Variants in AGBL2 observed in about 807,000 individuals in gnomAD.
AGBL2 encodes cytosolic carboxypeptidase 2.
Under a neutral mutation model 103.0 loss-of-function variants are expected in AGBL2, and 87 were observed. The observed-to-expected ratio is 0.84, with a 90% CI of 0.71 to 1.01. The LOEUF (loss-of-function observed/expected upper bound fraction) is 1.01. AGBL2 is among the 50% of genes least tolerant of loss of function. The pLI, the probability that AGBL2 is intolerant of heterozygous loss-of-function variation, is 0.00. For missense variants in AGBL2, 904 were observed against 1,023.5 expected, an observed-to-expected ratio of 0.88 and a Z score of 1.59; for synonymous variants, 335 against 356.7, an observed-to-expected ratio of 0.94 and a Z score of 0.69.
In AGBL2 at chr11:47,714,621, C is replaced by T. The variant is rs1189284309; in HGVS notation, c.30G>A (p.Lys10=). 1 of 1,613,736 alleles carries T rather than the reference C, an allele frequency of 6.2e-7. No individual in the cohort carries two copies. The highest frequency in any genetic ancestry group is 8.5e-7 in the Non-Finnish European group (1 of 1,179,978). Residue 10 remains lysine, a synonymous_variant, in exon 2 of 19, where the codon AAG becomes AAA. Transcript: ENST00000525123. ...GCTTTCCGTGTTGTGTACCGACCTGCTTTAGGTGCGTTTCCAAAGCTGGGA... is the reference window on the plus strand; with the variant it reads ...GCTTTCCGTGTTGTGTACCGACCTGTTTTAGGTGCGTTTCCAAAGCTGGGA... MFPALETHL[K]QTIPDPYEDF...
At chr11:47,675,944 T>C (rs2097373283) in intron 14 of AGBL2, among the ~76,000 whole-genome samples, 1 of 151,854 alleles carries the variant, frequency 6.6e-6, no homozygotes, top group African/African-American at 2.4e-5. Context: ...AAGTTGAGGA[T>C]GCAGTGAGCA....
chr11:47,691,818 A>G (rs914849827), intron 9 of AGBL2, among the ~76,000 whole-genome samples: 13 of 143,522 alleles, frequency 9.1e-5, no homozygotes, highest in Non-Finnish European at 1.7e-4. Context: ...TAAACTTAAT[A>G]TTTGCTGCAT....
Position 47,699,531 on chromosome 11 carries a change from T to C in AGBL2, c.609A>G (p.Glu203=). 6.2e-7 allele frequency: 1 copy of C among 1,608,264 alleles called. No individual in the cohort carries two copies. The highest frequency in any genetic ancestry group is 1.7e-5 in the Admixed American group (1 of 58,938). ...HHIEWAPPQP[E]YFYQPKGNEK... is the part of the protein sequence containing the mutation. The stretch of plus-strand genomic sequence containing the variant: ...CATTTCCTTTAGGCTGATAGAAATA[T>C]TCTGGTTGAGGTGGAGCCCACTCTG... The change falls in exon 8 of 19, where the codon GAA becomes GAG. Residue 203 remains glutamate, a synonymous_variant. Coordinates refer to ENST00000525123, the MANE Select transcript of AGBL2 (RefSeq NM_024783.4).
rs188759721 is a variant in AGBL2, at chr11:47,706,580, A to C, written c.233-663T>G. On this transcript the variant is annotated intron_variant, in intron 4 of 18. Coordinates refer to ENST00000525123, the MANE Select transcript of AGBL2 (RefSeq NM_024783.4). Reference sequence around the variant, plus strand: ...AATATGACAGGTGCCCTTATAAAGAATGGGGTAAAGGCAGGAGAGGTGGCG... The same window carrying C: ...AATATGACAGGTGCCCTTATAAAGACTGGGGTAAAGGCAGGAGAGGTGGCG... Among the ~76,000 whole-genome samples, 628 of 152,234 alleles carry C rather than the reference A, an allele frequency of 4.1e-3. 1 individual carries two copies. The highest frequency in any genetic ancestry group is 7.2e-3 in the Non-Finnish European group (488 of 68,016).
rs763399133 is a variant in AGBL2, at chr11:47,690,584, A to C, written c.1123T>G (p.Tyr375Asp). 1 of 1,614,210 alleles carries C rather than the reference A, an allele frequency of 6.2e-7. No homozygotes were observed. Among genetic ancestry groups the C allele is most frequent in the Non-Finnish European group, 8.5e-7 (1 of 1,180,044 alleles). ...AACTGAATGGTCCACGTGAGACAGT[A>C]GAAGGGCTGCTGCCCATCATCCGTG... is the stretch of plus-strand genomic sequence containing the variant. ...NNTDDGQQPF[Y>D]CLTWTIQFPY... Residue 375 changes from tyrosine to aspartate, a missense_variant, in exon 10 of 19, where the codon TAC (tyrosine) becomes GAC (aspartate). Tyr to Asp is a radical substitution (Grantham distance 160, BLOSUM62 -3). Coordinates refer to ENST00000525123, the MANE Select transcript of AGBL2 (RefSeq NM_024783.4).
chr11:47,667,744 G>C (rs369826804), intron 15 of AGBL2, 48 bp from the exon 16 acceptor site: 15 of 1,590,980 alleles, frequency 9.4e-6, no homozygotes, highest in Middle Eastern at 1.7e-4. Flanking sequence ...CCAGAACTAG[G>C]CCCACCCACA....
chr11:47,659,849 T>C lies in AGBL2; in HGVS notation c.*324A>G, dbSNP rs2097323847. The C allele has an allele frequency of 5.0e-6, 1 of 201,764 alleles. No homozygotes were observed. The highest frequency in any genetic ancestry group is 9.8e-6 in the Non-Finnish European group (1 of 101,628). 12.5% of individuals were successfully genotyped at this position (201,764 alleles called of 1,614,324 possible). A position where few individuals can be genotyped will look rare whatever the true frequency, so the allele number is the denominator to read the frequency against. On this transcript the variant is annotated 3_prime_UTR_variant, in exon 19 of 19. Transcript: ENST00000525123. ...TTTTTAAAAATTGATTTGCACATAA[T>C]TTTAGAGAGAATATCTATTGGTTAA...
intron 14 of AGBL2, 121 bp from the exon 15 acceptor site, chr11:47,669,028 C>G: frequency 1.5e-6 from 1 of 676,866 alleles, no homozygotes; most frequent in Non-Finnish European, 2.6e-6. Context: ...TACTATTTCT[C>G]TCATTGTCTA....
intron 11 of AGBL2, among the ~76,000 whole-genome samples, chr11:47,682,514 A>C (rs2097405129): frequency 6.6e-6 from 1 of 152,106 alleles, no homozygotes; most frequent in African/African-American, 2.4e-5. Context: ...CATTCAAGGC[A>C]CTAGCCAACC....
chr11:47,668,772 C>A, intron 15 of AGBL2, 69 bp downstream of exon 15: 1 of 1,250,756 alleles, frequency 8.0e-7, no homozygotes. Context: ...AAAATTCCAA[C>A]AAATTGTCTG....
chr11:47,682,000 G>C lies in AGBL2; in HGVS notation c.1884C>G (p.Thr628=). ...MWRMGILNSY[T]MESTFGGSTL... Reference sequence around the variant, plus strand: ...TGGACCCGCCAAAGGTAGACTCCATGGTGTAGCTGTTTAGGATTCCCATCC... The same window carrying C: ...TGGACCCGCCAAAGGTAGACTCCATCGTGTAGCTGTTTAGGATTCCCATCC... The change falls in exon 12 of 19, where the codon ACC becomes ACG. Residue 628 remains threonine, a synonymous_variant. Transcript: ENST00000525123. The C allele has an allele frequency of 6.2e-7, 1 of 1,614,068 alleles. No individual in the cohort carries two copies. Among genetic ancestry groups the C allele is most frequent in the Non-Finnish European group, 8.5e-7 (1 of 1,179,998 alleles).
chr11:47,667,416 C>T (rs139946954), intron 16 of AGBL2, among the ~76,000 whole-genome samples, 155 bp downstream of exon 16: 1 of 152,286 alleles, frequency 6.6e-6, no homozygotes, highest in East Asian at 1.9e-4. Context: ...GTCCGGAGGG[C>T]CCCTGGAAGG....
chr11:47,700,130 T>C (rs892889812), intron 7 of AGBL2, among the ~76,000 whole-genome samples: 3 of 152,062 alleles, frequency 2.0e-5, no homozygotes, highest in African/African-American at 7.2e-5. Context: ...GCTAATTTTG[T>C]ATTTTTAGTA....
intron 14 of AGBL2, among the ~76,000 whole-genome samples, chr11:47,675,240 A>C (rs1598931327): frequency 8.8e-6 from 1 of 114,212 alleles, no homozygotes. Flanking sequence ...ACAGGGTCTC[A>C]CTCTATAGCG....
intron 14 of AGBL2, among the ~76,000 whole-genome samples, chr11:47,675,375 GTTTTTTTT>G (rs34044161): frequency 1.3e-4 from 7 of 55,100 alleles, no homozygotes; most frequent in Non-Finnish European, 2.1e-4. Context: ...CCCCTGCTAA[GTTTTTTTT>G]TTTTTTTTTT....
rs1226886083 is a variant in AGBL2, at chr11:47,690,168, A to G, written c.1539T>C (p.Cys513=). The G allele has an allele frequency of 1.2e-6, 2 of 1,614,048 alleles. No homozygotes were observed. The highest frequency in any genetic ancestry group is 2.7e-5 in the African/African-American group (2 of 74,932). Residue 513 remains cysteine, a synonymous_variant, in exon 10 of 19, where the codon TGT becomes TGC. Transcript: ENST00000525123. ...TGTTCAAATCCCTTCCGGCCAAGGA[A>G]CACCGATAATTCCCCACAATCACAC... ...PDGVIVGNYR[C]SLAGRDLNRH...
chr11:47,682,059 A>G lies in AGBL2; in HGVS notation c.1825T>C (p.Cys609Arg). ...FHSCNFKVQK[C>R]KEGTGRVVMW... Reference sequence around the variant, plus strand: ...ACAACTCGTCCTGTTCCTTCTTTGCATTTTTGGACCTTAAAATTACAACTG... The same window carrying G: ...ACAACTCGTCCTGTTCCTTCTTTGCGTTTTTGGACCTTAAAATTACAACTG... Residue 609 changes from cysteine to arginine, a missense_variant, in exon 12 of 19, where the codon TGC becomes CGC. Cys to Arg is a radical substitution (Grantham distance 180). Coordinates refer to ENST00000525123, the MANE Select transcript of AGBL2 (RefSeq NM_024783.4). 6.2e-7 allele frequency: 1 copy of G among 1,614,134 alleles called. No homozygotes were observed. Among genetic ancestry groups the G allele is most frequent in the East Asian group, 2.2e-5 (1 of 44,886 alleles).
intron 6 of AGBL2, 152 bp from the exon 7 acceptor site, chr11:47,704,880 T>C (rs538551724): frequency 4.1e-5 from 26 of 630,610 alleles, no homozygotes; most frequent in Non-Finnish European, 6.3e-5. Flanking sequence ...CAAGAAGATT[T>C]AGTCCAGAAT....
At chr11:47,711,172 G>A (rs941666299) in intron 3 of AGBL2, among the ~76,000 whole-genome samples, 1 of 152,056 alleles carries the variant, frequency 6.6e-6, no homozygotes, top group African/African-American at 2.4e-5. Context: ...CCAAGAGCAG[G>A]AAGGGACTCC....
Sources: allele counts gnomAD v4.1 joint callset (sites outside exome capture counted in the v4.1 genomes callset), GRCh38; gene constraint gnomAD v4.1.1; transcripts MANE v1.5; gene names NCBI Gene and HGNC (gene_info 2026-07-23, HGNC 2026-07-21).